The following EGFR variants were observed in gnomAD, a reference collection of about 807,000 sequenced individuals.
The protein encoded by EGFR is avian erythroblastic leukemia viral (v-erb-b) oncogene homolog.
EGFR carries 58 observed loss-of-function variants against 143.0 expected under a neutral mutation model. The observed-to-expected ratio is 0.41, with a 90% CI of 0.33 to 0.50. The LOEUF (loss-of-function observed/expected upper bound fraction) is 0.50, where lower values mean the gene tolerates loss of function less well. EGFR is among the 20% of genes least tolerant of loss of function. The probability of loss-of-function intolerance (pLI) is 0.39; values close to 1 mark genes in which losing one functional copy is unlikely to be tolerated. For missense variants in EGFR, 1,307 were observed against 1,579.0 expected (o/e 0.83, Z 2.92); for synonymous variants, 613 against 594.4 (o/e 1.03, Z -0.45).
In EGFR at chr7:55,152,643, C is replaced by T. The variant is rs374561933; in HGVS notation, c.726C>T (p.Gly242=). 6.2e-7 allele frequency: 1 copy of T among 1,613,594 alleles called. No homozygotes were observed. Among genetic ancestry groups the T allele is most frequent in the South Asian group, 1.1e-5 (1 of 91,076 alleles). The part of the protein sequence containing the change: ...CHNQCAAGCT[G]PRESDCLVCR... Reference sequence around the variant, plus strand: ...ACCAGTGTGCTGCAGGCTGCACAGGCCCCCGGGAGAGCGACTGCCTGGTAA... The same window carrying T: ...ACCAGTGTGCTGCAGGCTGCACAGGTCCCCGGGAGAGCGACTGCCTGGTAA... Residue 242 remains glycine, a synonymous_variant, in exon 6 of 28, where the codon GGC becomes GGT. Transcript: ENST00000275493.
At chr7:55,111,017 C>T (rs1164481290) in intron 1 of EGFR, among the ~76,000 whole-genome samples, 2 of 152,176 alleles carry the variant, frequency 1.3e-5, no homozygotes, top group African/African-American at 4.8e-5. Context: ...ATCATTGTTG[C>T]TTTTTCCCCC....
intron 1 of EGFR, among the ~76,000 whole-genome samples, chr7:55,047,360 A>T (rs1034232949): frequency 2.0e-5 from 3 of 152,276 alleles, no homozygotes; most frequent in African/African-American, 7.2e-5. Context: ...TTTCCTAAAA[A>T]TGCCCTGAAA....
chr7:55,019,270 G>A lies in EGFR; in HGVS notation c.-8G>A. ...GGAGAGCCGGAGCGAGCTCTTCGGG[G>A]AGCAGCGATGCGACCCTCCGGGACG... On this transcript the variant is annotated 5_prime_UTR_variant, in exon 1 of 28. Coordinates refer to ENST00000275493, the MANE Select transcript of EGFR (RefSeq NM_005228.5). The A allele has an allele frequency of 6.7e-7, 1 of 1,497,058 alleles. No individual in the cohort carries two copies. The highest frequency in any genetic ancestry group is 2.9e-5 in the East Asian group (1 of 34,920). The allele number at this position is 1,497,058 out of a possible 1,614,324, so 92.7% of individuals were successfully genotyped here. A position where few individuals can be genotyped will look rare whatever the true frequency, so the allele number is the denominator to read the frequency against.
At chr7:55,052,036 A>G (rs1788521184) in intron 1 of EGFR, among the ~76,000 whole-genome samples, 1 of 152,204 alleles carries the variant, frequency 6.6e-6, no homozygotes, top group Non-Finnish European at 1.5e-5. Flanking sequence ...AGAACTGTAT[A>G]GCAGTTTGAT....
chr7:55,173,866 T>G, intron 17 of EGFR, 55 bp from the exon 18 acceptor site: 1 of 1,613,980 alleles, frequency 6.2e-7, no homozygotes, highest in Non-Finnish European at 8.5e-7. Context: ...GGCACTGCTT[T>G]CCAGCATGGT....
chr7:55,098,260 A>G (rs1164731958), intron 1 of EGFR, among the ~76,000 whole-genome samples: 1 of 152,174 alleles, frequency 6.6e-6, no homozygotes, highest in Non-Finnish European at 1.5e-5. Flanking sequence ...TGTTTCTCCA[A>G]ATAACTAATT....
chr7:55,185,910 A>G (rs1787114839), intron 20 of EGFR, among the ~76,000 whole-genome samples: 1 of 152,220 alleles, frequency 6.6e-6, no homozygotes, highest in Non-Finnish European at 1.5e-5. Flanking sequence ...GGGCTACTTA[A>G]TTTGGTCCAA....
intron 1 of EGFR, among the ~76,000 whole-genome samples, chr7:55,122,410 C>T (rs548800244): frequency 2.0e-5 from 3 of 152,352 alleles, no homozygotes; most frequent in Admixed American, 1.3e-4. Flanking sequence ...CCTCAATGGG[C>T]TGCTGGTGGC....
rs1193183888 is a variant in EGFR, at chr7:55,049,662, T to C, written c.88+30297T>C. On this transcript the variant is annotated intron_variant, in intron 1 of 27. Coordinates refer to ENST00000275493, the MANE Select transcript of EGFR (RefSeq NM_005228.5). ...ATGACTGCTTCATGCTCCTTCCACC[T>C]GAGGACTGCCAGCACAGCCTATTGC... 2.0e-5 allele frequency among the ~76,000 whole-genome samples: 3 copies of C among 152,124 alleles called. 1 individual carries two copies. The highest frequency in any genetic ancestry group is 7.2e-5 in the African/African-American group (3 of 41,432).
intron 1 of EGFR, among the ~76,000 whole-genome samples, chr7:55,128,469 A>G (rs1793654213): frequency 6.6e-6 from 1 of 152,258 alleles, no homozygotes; most frequent in Admixed American, 6.5e-5. Context: ...GAGAATCACA[A>G]AACATTTTCA....
intron 15 of EGFR, among the ~76,000 whole-genome samples, chr7:55,168,813 C>A (rs1384983817): frequency 6.6e-6 from 1 of 152,174 alleles, no homozygotes; most frequent in Middle Eastern, 3.4e-3. Context: ...TAAAATACGG[C>A]CAAGTGTTGA....
intron 1 of EGFR, among the ~76,000 whole-genome samples, chr7:55,105,534 A>C (rs866435798): frequency 5.0e-4 from 76 of 152,366 alleles, no homozygotes; most frequent in African/African-American, 1.7e-3. Context: ...TAACGTGGAC[A>C]CTAATTGTTT....
chr7:55,044,680 G>A lies in EGFR; in HGVS notation c.88+25315G>A, dbSNP rs17335815. 3.4e-3 allele frequency among the ~76,000 whole-genome samples: 522 copies of A among 152,316 alleles called. 3 individuals are homozygous for A. The highest frequency in any genetic ancestry group is 0.012 in the African/African-American group (483 of 41,566). Reference sequence around the variant, plus strand: ...AAGTCCAGCTTGAAAAGCAAATCTGGTTGTGAGCTAGAGTCCAGTAACACT... The same window carrying A: ...AAGTCCAGCTTGAAAAGCAAATCTGATTGTGAGCTAGAGTCCAGTAACACT... On this transcript the variant is annotated intron_variant, in intron 1 of 27. Transcript: ENST00000275493.
chr7:55,170,962 G>A (rs915616809), intron 15 of EGFR: 5 of 1,445,236 alleles, frequency 3.5e-6, no homozygotes, highest in Non-Finnish European at 1.8e-6. Context: ...CTGTCACAGA[G>A]TAGAAACTCA....
intron 18 of EGFR, 84 bp downstream of exon 18, chr7:55,174,127 A>G (rs924072587): frequency 2.5e-5 from 39 of 1,574,464 alleles, no homozygotes; most frequent in Admixed American, 2.0e-4. Flanking sequence ...TGCAAGCTGT[A>G]TATTTCCATC....
At chr7:55,037,871 A>G (rs1787684609) in intron 1 of EGFR, among the ~76,000 whole-genome samples, 1 of 152,182 alleles carries the variant, frequency 6.6e-6, no homozygotes, top group Admixed American at 6.5e-5. Flanking sequence ...TCAGTTCTGA[A>G]TGCTGATTCT....
At position 55,174,807 on chromosome 7, in the gene EGFR, A is replaced by G. The variant is rs397517102; in HGVS notation, c.2270A>G (p.Lys757Arg). The G allele has an allele frequency of 5.6e-6, 9 of 1,613,990 alleles. No individual in the cohort carries two copies. In the East Asian group the frequency reaches 1.8e-4, roughly 32 times the overall value. The change falls in exon 19 of 28, where the codon AAG (lysine) becomes AGG (arginine). Residue 757 changes from lysine to arginine, a missense_variant. This residue lies in a region of EGFR where 348 missense variants were observed against 451.5 expected (regional missense o/e 0.77). Coordinates refer to ENST00000275493, the MANE Select transcript of EGFR (RefSeq NM_005228.5). ...GAAGCAACATCTCCGAAAGCCAACA[A>G]GGAAATCCTCGATGTGAGTTTCTGC... ...LREATSPKAN[K>R]EILDEAYVMA...
intron 1 of EGFR, among the ~76,000 whole-genome samples, chr7:55,116,534 C>CAT (rs1003639429): frequency 1.1e-5 from 1 of 91,422 alleles, no homozygotes; most frequent in African/African-American, 3.2e-5. Context: ...AAAAAAAACA[C>CAT]ATACACACAC....
At chr7:55,137,691 C>A (rs529523843) in intron 1 of EGFR, among the ~76,000 whole-genome samples, 1 of 152,300 alleles carries the variant, frequency 6.6e-6, no homozygotes, top group African/African-American at 2.4e-5. Flanking sequence ...CAGAGATGAA[C>A]CTCAAAACTA....
Sources: gnomAD v4.1 joint callset for allele counts (sites outside exome capture counted in the v4.1 genomes callset) on GRCh38, gnomAD v4.1.1 for gene constraint, gnomAD v4.1.1 regional missense constraint, MANE v1.5 for transcripts, NCBI Gene and HGNC (gene_info 2026-07-23, HGNC 2026-07-21) for gene names.